THSD4: variants seen among roughly 807,000 people sequenced by gnomAD.
THSD4 encodes the protein thrombospondin type-1 domain-containing protein 4.
THSD4 carries 69 observed loss-of-function variants against 119.0 expected under a neutral mutation model. The ratio of observed to expected loss-of-function variants is 0.58; its 90% CI spans 0.48 to 0.71. THSD4 has a LOEUF of 0.71. THSD4 is among the 30% of genes least tolerant of loss of function. The pLI is 0.00. For synonymous variants in THSD4, 524 were observed against 540.4 expected, an observed-to-expected ratio of 0.97 and a Z score of 0.42; for missense variants, 1,393 against 1,391.1, an observed-to-expected ratio of 1.00 and a Z score of -0.02.
rs1197682057 is a variant in THSD4 at position 71,452,724 on chromosome 15, T to C, written c.1152+40901T>C. ...TCCACCTCCTGGGTTCAAGTGATTC[T>C]CATGCCTCAGCCTCCCACGTAGCTG... On this transcript the variant is annotated intron_variant, in intron 7 of 17. Transcript: ENST00000261862. 3.9e-5 allele frequency among the ~76,000 whole-genome samples: 6 copies of C among 152,266 alleles called. No individual in the cohort carries two copies. The East Asian group carries it at 1.2e-3, about 29-fold the overall frequency.
At chr15:71,203,174 T>A (rs1369195101) in intron 3 of THSD4, among the ~76,000 whole-genome samples, 1 of 152,048 alleles carries the variant, frequency 6.6e-6, no homozygotes, top group African/African-American at 2.4e-5. Flanking sequence ...AGAGAAAGTG[T>A]TCTTGCGTGG....
chr15:71,467,231 T>C (rs1313850025), intron 7 of THSD4, among the ~76,000 whole-genome samples: 1 of 152,238 alleles, frequency 6.6e-6, no homozygotes, highest in Non-Finnish European at 1.5e-5. Context: ...AGGATGATCA[T>C]GAGAGGTGTG....
intron 6 of THSD4, among the ~76,000 whole-genome samples, chr15:71,307,623 G>A (rs1021645411): frequency 5.9e-5 from 9 of 152,108 alleles, no homozygotes; most frequent in African/African-American, 9.7e-5. Context: ...ACAAAAATTA[G>A]CCAGGCATGG....
chr15:71,511,178 G>A (rs1003935623), intron 7 of THSD4, among the ~76,000 whole-genome samples: 2 of 152,172 alleles, frequency 1.3e-5, no homozygotes, highest in Non-Finnish European at 2.9e-5. Context: ...AAGAGGAAGG[G>A]GGAAGAGAGT....
intron 7 of THSD4, among the ~76,000 whole-genome samples, chr15:71,431,388 C>G (rs1371506796): frequency 6.6e-6 from 1 of 152,070 alleles, no homozygotes; most frequent in African/African-American, 2.4e-5. Flanking sequence ...CTGTCAGAAG[C>G]TTTTTATTTT....
chr15:71,406,926 A>C (rs978997139), intron 6 of THSD4, among the ~76,000 whole-genome samples: 2 of 152,056 alleles, frequency 1.3e-5, no homozygotes, highest in Non-Finnish European at 2.9e-5. Context: ...TCAGGTGATC[A>C]GCCCACCTTG....
chr15:71,663,495 G>A (rs2051354154), intron 8 of THSD4, among the ~76,000 whole-genome samples: 1 of 152,186 alleles, frequency 6.6e-6, no homozygotes, highest in African/African-American at 2.4e-5. Context: ...GGTGCTTTGT[G>A]TATTCTCTTT....
intron 6 of THSD4, among the ~76,000 whole-genome samples, chr15:71,363,433 G>A (rs2045919736): frequency 6.6e-6 from 1 of 152,140 alleles, no homozygotes. Context: ...GTGCATGTGT[G>A]TACGCGTGTG....
intron 6 of THSD4, among the ~76,000 whole-genome samples, chr15:71,313,530 A>G (rs1413427198): frequency 6.6e-6 from 1 of 152,202 alleles, no homozygotes; most frequent in South Asian, 2.1e-4. Context: ...CAGCTAATGC[A>G]TGCTGGGCTT....
intron 3 of THSD4, among the ~76,000 whole-genome samples, chr15:71,163,950 T>A (rs931581005): frequency 6.6e-6 from 1 of 151,514 alleles, no homozygotes; most frequent in South Asian, 2.1e-4. Flanking sequence ...AGAGTCCTCA[T>A]GTAAAGGTTA....
chr15:71,137,453 C>T (rs576116951), intron 1 of THSD4, among the ~76,000 whole-genome samples: 1 of 152,276 alleles, frequency 6.6e-6, no homozygotes, highest in Non-Finnish European at 1.5e-5. Flanking sequence ...AGAATGAGGA[C>T]TTTTAAACTT....
intron 17 of THSD4, among the ~76,000 whole-genome samples, chr15:71,776,736 A>G (rs935501181): frequency 3.9e-5 from 6 of 152,398 alleles, no homozygotes; most frequent in South Asian, 2.1e-4. Flanking sequence ...CATCAATAGA[A>G]AATGATTAAA....
rs1224235085 is a variant in THSD4, at chr15:71,165,212, G to A, written c.99+10280G>A. The A allele has an allele frequency of 2.0e-5, 31 of 1,558,176 alleles. No individual in the cohort carries two copies. The East Asian group carries it at 6.7e-4, about 34-fold the overall frequency. On this transcript the variant is annotated intron_variant, in intron 3 of 17. Transcript: ENST00000261862. ...GGTTTTCATTTCTCTTTCATAATGG[G>A]CCTTGTCCACCTTTGCCATATCTTG...
intron 8 of THSD4, among the ~76,000 whole-genome samples, chr15:71,709,381 C>T (rs1261177406): frequency 6.6e-6 from 1 of 152,106 alleles, no homozygotes. Flanking sequence ...GCGTTTTTAT[C>T]ATGTAGGTGG....
In THSD4 at chr15:71,419,197, C is replaced by CT. The variant is rs200813404; in HGVS notation, c.1152+7378dup. The stretch of plus-strand genomic sequence containing the variant: ...TGATCTTTATTATTTCTTTTCTTTT[C>CT]TTTTCTTTTTCTTTTTCTTTTTTTT... On this transcript the variant is annotated intron_variant, in intron 7 of 17. Coordinates refer to ENST00000261862, the MANE Select transcript of THSD4 (RefSeq NM_024817.3). Among the ~76,000 whole-genome samples the CT allele has an allele frequency of 4.6e-5, 2 of 43,046 alleles. 1 individual carries two copies. Among genetic ancestry groups the CT allele is most frequent in the Admixed American group, 9.8e-4 (2 of 2,048 alleles). The allele number at this position is 43,046 out of a possible 152,430, so 28.2% of individuals were successfully genotyped here.
At chr15:71,487,897 CT>C (rs570867154) in intron 7 of THSD4, among the ~76,000 whole-genome samples, 71 of 151,362 alleles carry the variant, frequency 4.7e-4, no homozygotes, top group African/African-American at 1.5e-3. Context: ...TTTTTTATTT[CT>C]GTGGTTTTAA....
chr15:71,500,613 A>G (rs2048095994), intron 7 of THSD4, among the ~76,000 whole-genome samples: 1 of 152,206 alleles, frequency 6.6e-6, no homozygotes, highest in African/African-American at 2.4e-5. Context: ...GTTTCAGATA[A>G]TATGTTTAGG....
At chr15:71,546,932 C>T (rs1210808205) in intron 7 of THSD4, among the ~76,000 whole-genome samples, 2 of 152,180 alleles carry the variant, frequency 1.3e-5, no homozygotes, top group African/African-American at 2.4e-5. Context: ...CTTGTCAGTC[C>T]CAGATCCTGG....
In THSD4 at chr15:71,442,658, G is replaced by GTGTGTGTGTGTGTA. The variant is rs1403001889; in HGVS notation, c.1152+30838_1152+30839insGTGTGTGTGTATGT. Among the ~76,000 whole-genome samples, 8 of 31,342 alleles carry GTGTGTGTGTGTGTA rather than the reference G, an allele frequency of 2.6e-4. 1 individual carries two copies. The highest frequency in any genetic ancestry group is 1.2e-3 in the Admixed American group (3 of 2,442). 20.6% of individuals were successfully genotyped at this position (31,342 alleles called of 152,430 possible). On this transcript the variant is annotated intron_variant, in intron 7 of 17. Transcript: ENST00000261862. ...TGTGTGTGTATATGTGTGTGTGTGT[G>GTGTGTGTGTGTGTA]TGTATATATATATATATATATATAT... is the stretch of plus-strand genomic sequence containing the variant.
Sources: gnomAD v4.1 joint callset for allele counts (sites outside exome capture counted in the v4.1 genomes callset) on GRCh38, gnomAD v4.1.1 for gene constraint, MANE v1.5 for transcripts, NCBI Gene and HGNC (gene_info 2026-07-23, HGNC 2026-07-21) for gene names.